Variants in GMPS observed in about 807,000 individuals in gnomAD.
GMPS encodes the protein GMP synthase [glutamine-hydrolyzing].
In GMPS, 15 loss-of-function variants were observed where a neutral mutation model predicts 77.9. That is an observed-to-expected ratio of 0.19 (90% confidence interval 0.13 to 0.30). The LOEUF (loss-of-function observed/expected upper bound fraction) is 0.30, where lower values mean the gene tolerates loss of function less well. GMPS is among the 10% of genes least tolerant of loss of function. GMPS has a pLI of 1.00. For missense variants in GMPS, 590 were observed against 838.8 expected (o/e 0.70, Z 3.66); for synonymous variants, 224 against 275.9 (o/e 0.81, Z 1.86).
intron 4 of GMPS, among the ~76,000 whole-genome samples, chr3:155,905,220 G>T (rs1754843607): frequency 6.6e-6 from 1 of 151,922 alleles, no homozygotes; most frequent in Non-Finnish European, 1.5e-5. Flanking sequence ...GGCCAGGCTG[G>T]TCTTGAACTC....
intron 1 of GMPS, among the ~76,000 whole-genome samples, chr3:155,886,063 C>T (rs533221864): frequency 6.6e-6 from 1 of 152,012 alleles, no homozygotes; most frequent in African/African-American, 2.4e-5. Context: ...TCAAGTGATC[C>T]TCCCATCTCA....
chr3:155,872,460 A>G (rs1238637063), intron 1 of GMPS, among the ~76,000 whole-genome samples: 1 of 152,240 alleles, frequency 6.6e-6, no homozygotes, highest in African/African-American at 2.4e-5. Context: ...CTCATTGGAA[A>G]GATTCATCTT....
chr3:155,890,390 G>A (rs1754436377), intron 1 of GMPS, among the ~76,000 whole-genome samples: 3 of 151,948 alleles, frequency 2.0e-5, no homozygotes, highest in Admixed American at 2.0e-4. Flanking sequence ...ATAGTCAGTG[G>A]GAAAATTACA....
Position 155,937,890 on chromosome 3 carries a change from T to G in GMPS, c.*198T>G. On this transcript the variant is annotated 3_prime_UTR_variant, in exon 16 of 16. Transcript: ENST00000496455. The stretch of plus-strand genomic sequence containing the variant: ...CTGAAGAGTTTGTACGGGTAAATAA[T>G]CAAAGCACCATTGCCTACACTCAGA... 2.0e-6 allele frequency: 1 copy of G among 512,076 alleles called. No homozygotes were observed. Among genetic ancestry groups the G allele is most frequent in the Non-Finnish European group, 3.4e-6 (1 of 291,080 alleles). 31.7% of individuals were successfully genotyped at this position (512,076 alleles called of 1,614,324 possible).
At chr3:155,936,914 A>G (rs1389887500) in intron 15 of GMPS, among the ~76,000 whole-genome samples, 1 of 152,172 alleles carries the variant, frequency 6.6e-6, no homozygotes, top group Non-Finnish European at 1.5e-5. Flanking sequence ...ATTCCAACTC[A>G]ATTTTTGATC....
At position 155,914,401 on chromosome 3, in the gene GMPS, T is replaced by G. The variant is rs1755117127; in HGVS notation, c.887-18T>G. 6.6e-7 allele frequency: 1 copy of G among 1,512,688 alleles called. No individual in the cohort carries two copies. The highest frequency in any genetic ancestry group is 8.8e-7 in the Non-Finnish European group (1 of 1,132,524). The allele number at this position is 1,512,688 out of a possible 1,614,324, so 93.7% of individuals were successfully genotyped here. ...AACATGTTATACCAATTTAAAACGCTTCTCCCCTTTCCTCCAGTGATAAAT... is the reference window on the plus strand; with the variant it reads ...AACATGTTATACCAATTTAAAACGCGTCTCCCCTTTCCTCCAGTGATAAAT... On this transcript the variant is annotated intron_variant, in intron 7 of 15. Coordinates refer to ENST00000496455, the MANE Select transcript of GMPS (RefSeq NM_003875.3).
intron 15 of GMPS, among the ~76,000 whole-genome samples, chr3:155,936,891 C>T (rs1306467830): frequency 6.6e-6 from 1 of 152,192 alleles, no homozygotes; most frequent in Non-Finnish European, 1.5e-5. Flanking sequence ...CCTAAATGTT[C>T]TCCCTACTAC....
chr3:155,943,509 G>A lies in GMPS; in HGVS notation c.*5817G>A, dbSNP rs991613196. The A allele has an allele frequency of 5.6e-6, 1 of 178,250 alleles. No homozygotes were observed. Among genetic ancestry groups the A allele is most frequent in the Non-Finnish European group, 1.2e-5 (1 of 82,982 alleles). 11.0% of individuals were successfully genotyped at this position (178,250 alleles called of 1,614,324 possible). On this transcript the variant is annotated 3_prime_UTR_variant, in exon 16 of 16. Coordinates refer to ENST00000496455, the MANE Select transcript of GMPS (RefSeq NM_003875.3). ...ATTGTTAACAACCTTGATATTAAACGAAGAAGTGAATGTAAACCTCCTTTT... is the reference window on the plus strand; with the variant it reads ...ATTGTTAACAACCTTGATATTAAACAAAGAAGTGAATGTAAACCTCCTTTT...
intron 12 of GMPS, among the ~76,000 whole-genome samples, chr3:155,929,181 C>T (rs1160039836): frequency 6.6e-6 from 1 of 151,130 alleles, no homozygotes; most frequent in East Asian, 2.0e-4. Context: ...TATTTCTCCA[C>T]ATCCTCTCCA....
rs1755795701 is a variant in GMPS, at chr3:155,937,725, A to G, written c.*33A>G. ...CTTGTTCTATTAAAGTACCGTGTGCAGTTTAAATTGATTAGAAATCATTCC... is the reference window on the plus strand; with the variant it reads ...CTTGTTCTATTAAAGTACCGTGTGCGGTTTAAATTGATTAGAAATCATTCC... On this transcript the variant is annotated 3_prime_UTR_variant, in exon 16 of 16. Coordinates refer to ENST00000496455, the MANE Select transcript of GMPS (RefSeq NM_003875.3). The G allele has an allele frequency of 4.4e-6, 4 of 908,000 alleles. No individual in the cohort carries two copies. The highest frequency in any genetic ancestry group is 4.8e-5 in the East Asian group (2 of 41,764). 56.2% of individuals were successfully genotyped at this position (908,000 alleles called of 1,614,324 possible). A position where few individuals can be genotyped will look rare whatever the true frequency, so the allele number is the denominator to read the frequency against.
At chr3:155,931,233 G>C (rs916394511) in intron 12 of GMPS, among the ~76,000 whole-genome samples, 15 of 151,808 alleles carry the variant, frequency 9.9e-5, no homozygotes, top group African/African-American at 3.4e-4. Flanking sequence ...ACCCAGGCTG[G>C]AGTGCAGTGA....
chr3:155,881,318 G>T (rs917056940), intron 1 of GMPS, among the ~76,000 whole-genome samples: 1 of 151,730 alleles, frequency 6.6e-6, no homozygotes, highest in Non-Finnish European at 1.5e-5. Flanking sequence ...GATTACAGGC[G>T]TGTGCCACCA....
rs1755846592 is a variant in GMPS, at chr3:155,939,768, A to C, written c.*2076A>C. The C allele has an allele frequency of 5.1e-6, 1 of 195,716 alleles. No homozygotes were observed. Among genetic ancestry groups the C allele is most frequent in the Non-Finnish European group, 1.1e-5 (1 of 94,220 alleles). The allele number at this position is 195,716 out of a possible 1,614,324, so 12.1% of individuals were successfully genotyped here. On this transcript the variant is annotated 3_prime_UTR_variant, in exon 16 of 16. Transcript: ENST00000496455. ...AAATCCAAATTTTCTGGAACTCAGA[A>C]ATTTCCTAATATTTAGCACACTGTC...
At chr3:155,922,452 A>C (rs1039690804) in intron 11 of GMPS, 150 bp downstream of exon 11, 10 of 478,360 alleles carry the variant, frequency 2.1e-5, no homozygotes, top group African/African-American at 1.8e-4. Context: ...TTCCACAGAT[A>C]TTCTTATATG....
At chr3:155,925,827 G>A (rs1447222882) in intron 12 of GMPS, among the ~76,000 whole-genome samples, 1 of 152,104 alleles carries the variant, frequency 6.6e-6, no homozygotes, top group Non-Finnish European at 1.5e-5. Context: ...AAGGCCTCCA[G>A]ATGAGTAAGT....
At chr3:155,896,656 A>G (rs1018559485) in intron 2 of GMPS, among the ~76,000 whole-genome samples, 3 of 151,164 alleles carry the variant, frequency 2.0e-5, no homozygotes, top group Admixed American at 2.0e-4. Context: ...CCTGGGCTCA[A>G]GCAATCTGCC....
At chr3:155,918,431 G>A (rs565128985) in intron 9 of GMPS, among the ~76,000 whole-genome samples, 1 of 152,278 alleles carries the variant, frequency 6.6e-6, no homozygotes, top group South Asian at 2.1e-4. Context: ...CCGCCTGAGC[G>A]ACAGAGCGAG....
chr3:155,884,676 T>C lies in GMPS; in HGVS notation c.28-8842T>C, dbSNP rs73159055. ...GAAGAAAAAGATAATAGAGAATTGT[T>C]CTATTTTCTTACCCCTAGTGTTCAT... On this transcript the variant is annotated intron_variant, in intron 1 of 15. Coordinates refer to ENST00000496455, the MANE Select transcript of GMPS (RefSeq NM_003875.3). 2.8e-3 allele frequency among the ~76,000 whole-genome samples: 420 copies of C among 152,266 alleles called. 2 individuals carry two copies. Among genetic ancestry groups the C allele is most frequent in the Non-Finnish European group, 4.5e-3 (305 of 68,022 alleles).
At chr3:155,901,703 C>T (rs986648818) in intron 3 of GMPS, among the ~76,000 whole-genome samples, 4 of 151,630 alleles carry the variant, frequency 2.6e-5, no homozygotes, top group African/African-American at 4.8e-5. Flanking sequence ...ATGGGGGTCA[C>T]GTTGTAGTCT....
Sources: gnomAD v4.1 joint callset for allele counts (sites outside exome capture counted in the v4.1 genomes callset) on GRCh38, gnomAD v4.1.1 for gene constraint, MANE v1.5 for transcripts, NCBI Gene and HGNC (gene_info 2026-07-23, HGNC 2026-07-21) for gene names.